GLIS3: variants seen among roughly 807,000 people sequenced by gnomAD.
The protein encoded by GLIS3 is zinc finger protein GLIS3.
GLIS3 carries 53 observed loss-of-function variants against 78.6 expected under a neutral mutation model. The observed-to-expected ratio is 0.67, with a 90% CI of 0.54 to 0.85. The LOEUF is 0.85. Among genes scored for constraint, GLIS3 ranks in the 40% least tolerant of loss-of-function variants. The pLI is 0.00. For synonymous variants in GLIS3, 684 were observed against 509.9 expected (o/e 1.34, Z -4.60); for missense variants, 1,703 against 1,231.1 (o/e 1.38, Z -5.74).
intron 2 of GLIS3, among the ~76,000 whole-genome samples, chr9:4,279,346 C>CACAG (rs1277902914): frequency 9.9e-5 from 13 of 130,722 alleles, no homozygotes; most frequent in African/African-American, 3.5e-4. Flanking sequence ...CACACACACA[C>CACAG]ACACACACAC....
At chr9:4,262,922 A>C (rs1825658471) in intron 2 of GLIS3, among the ~76,000 whole-genome samples, 1 of 135,816 alleles carries the variant, frequency 7.4e-6, no homozygotes, top group Non-Finnish European at 1.5e-5. Flanking sequence ...TGATTGTTTC[A>C]GTGTTTGCCT....
At chr9:4,042,504 G>A (rs530477087) in intron 4 of GLIS3, among the ~76,000 whole-genome samples, 37 of 152,250 alleles carry the variant, frequency 2.4e-4, no homozygotes, top group Non-Finnish European at 7.4e-5. Flanking sequence ...TTTGCGTAAA[G>A]AATGAGTAGA....
chr9:4,011,056 T>TGA (rs1177854766), intron 4 of GLIS3, among the ~76,000 whole-genome samples: 10 of 152,230 alleles, frequency 6.6e-5, no homozygotes, highest in African/African-American at 2.4e-4. Context: ...GTAGATGGAC[T>TGA]GACCACTCAC....
the GLIS3 span, among the ~76,000 whole-genome samples, chr9:4,398,644 A>G: frequency 2.0e-5 from 3 of 151,904 alleles, no homozygotes; most frequent in Admixed American, 6.6e-5. Context: ...CCCAATCACT[A>G]TCATTCTCTG....
chr9:4,269,712 T>A (rs956887545), intron 2 of GLIS3, among the ~76,000 whole-genome samples: 1 of 152,244 alleles, frequency 6.6e-6, no homozygotes, highest in Non-Finnish European at 1.5e-5. Flanking sequence ...GGAAATTATA[T>A]TGATTTTTTA....
the GLIS3 span, among the ~76,000 whole-genome samples, chr9:4,459,759 T>C: frequency 6.6e-6 from 1 of 152,138 alleles, no homozygotes; most frequent in Non-Finnish European, 1.5e-5. Flanking sequence ...CAGTCAGCCA[T>C]GTTCACACCA....
chr9:4,472,985 T>C, the GLIS3 span, among the ~76,000 whole-genome samples: 2 of 152,192 alleles, frequency 1.3e-5, no homozygotes, highest in Non-Finnish European at 1.5e-5. Context: ...AGTAATGGGA[T>C]TGCTGAGTCT....
chr9:4,027,389 G>A (rs1296185404), intron 4 of GLIS3, among the ~76,000 whole-genome samples: 3 of 152,190 alleles, frequency 2.0e-5, no homozygotes, highest in Non-Finnish European at 4.4e-5. Context: ...ATACTAGGAT[G>A]CTTTTCTCAT....
intron 1 of GLIS3, among the ~76,000 whole-genome samples, chr9:4,289,457 C>T (rs1040038707): frequency 6.6e-6 from 1 of 152,128 alleles, no homozygotes; most frequent in African/African-American, 2.4e-5. Context: ...TGTCTATGGG[C>T]AATACTAACC....
chr9:3,851,848 G>C (rs1819454012), intron 9 of GLIS3, among the ~76,000 whole-genome samples: 1 of 152,112 alleles, frequency 6.6e-6, no homozygotes, highest in African/African-American at 2.4e-5. Flanking sequence ...TTTTGATTAA[G>C]AATATGGCTT....
chr9:4,075,178 G>A (rs1827941254), intron 4 of GLIS3, among the ~76,000 whole-genome samples: 1 of 151,412 alleles, frequency 6.6e-6, no homozygotes, highest in South Asian at 2.1e-4. Context: ...TACCACGAGT[G>A]TATGCATATG....
At chr9:4,387,937 G>A in the GLIS3 span, among the ~76,000 whole-genome samples, 1 of 152,126 alleles carries the variant, frequency 6.6e-6, no homozygotes, top group Non-Finnish European at 1.5e-5. Context: ...TTTAAACTGT[G>A]GAAAAACGAC....
At chr9:3,993,912 T>C (rs1820529035) in intron 4 of GLIS3, among the ~76,000 whole-genome samples, 1 of 152,176 alleles carries the variant, frequency 6.6e-6, no homozygotes, top group Admixed American at 6.5e-5. Context: ...TTGCCTTATC[T>C]TTTCTGAACA....
chr9:4,345,268 C>G (rs1817883639), intron 2 of GLIS3, among the ~76,000 whole-genome samples: 2 of 152,202 alleles, frequency 1.3e-5, no homozygotes, highest in Non-Finnish European at 2.9e-5. Context: ...AGTTTTCTCA[C>G]CTACGTCAGG....
intron 2 of GLIS3, among the ~76,000 whole-genome samples, chr9:4,322,890 T>G (rs952462861): frequency 6.6e-6 from 1 of 152,230 alleles, no homozygotes; most frequent in Non-Finnish European, 1.5e-5. Context: ...TAGTTTCTTT[T>G]GCTGTGCAGA....
the GLIS3 span, among the ~76,000 whole-genome samples, chr9:4,469,463 G>T: frequency 6.6e-6 from 1 of 152,130 alleles, no homozygotes; most frequent in Admixed American, 6.6e-5. Context: ...AATCAAACTA[G>T]AACTAAGGAT....
intron 2 of GLIS3, among the ~76,000 whole-genome samples, chr9:4,278,234 C>A (rs1827205049): frequency 6.6e-6 from 1 of 152,136 alleles, no homozygotes; most frequent in African/African-American, 2.4e-5. Context: ...CTAACTCTGT[C>A]CGTAGAAAAG....
chr9:3,951,264 T>C (rs1372787324), intron 4 of GLIS3, among the ~76,000 whole-genome samples: 1 of 152,204 alleles, frequency 6.6e-6, no homozygotes, highest in East Asian at 1.9e-4. Flanking sequence ...GCTCAGTAAA[T>C]AATACTGAAA....
At position 4,118,807 on chromosome 9, in the gene GLIS3, T is replaced by G; in HGVS notation, c.671A>C (p.Lys224Thr). 1 of 1,609,978 alleles carries G rather than the reference T, an allele frequency of 6.2e-7. No homozygotes were observed. Among genetic ancestry groups the G allele is most frequent in the Non-Finnish European group, 8.5e-7 (1 of 1,180,012 alleles). ...CCTGTAGCCCTGGGACCACTCCTGC[T>G]TCATGCTTGAGGCCGACTGACTTTC... ...LTESQSASSM[K>T]QEWSQGYRAL... is the part of the protein sequence containing the mutation. The change falls in exon 4 of 11, where the codon AAG becomes ACG. Residue 224 changes from lysine (K) to threonine (T), a missense_variant. Lys to Thr is a moderately conservative substitution (Grantham distance 78, BLOSUM62 -1). Coordinates refer to ENST00000381971, the MANE Select transcript of GLIS3 (RefSeq NM_001042413.2). The surrounding 1 kb of genome is among the most constrained non-coding windows in gnomAD (Gnocchi z 4.7).
Sources: gnomAD v4.1 joint callset for allele counts (sites outside exome capture counted in the v4.1 genomes callset) on GRCh38, gnomAD v4.1.1 for gene constraint, Gnocchi (gnomAD v3.1) non-coding constraint, MANE v1.5 for transcripts, NCBI Gene and HGNC (gene_info 2026-07-23, HGNC 2026-07-21) for gene names.